The following DGKI variants were observed in gnomAD, a reference collection of about 807,000 sequenced individuals.
DGKI encodes diacylglycerol kinase iota.
A neutral mutation model predicts 147.5 loss-of-function variants in DGKI; 55 were observed. The observed-to-expected ratio is 0.37, with a 90% CI of 0.30 to 0.47. The LOEUF (loss-of-function observed/expected upper bound fraction) is 0.47, where lower values mean the gene tolerates loss of function less well. Ranked by LOEUF, DGKI falls within the 20% of genes least tolerant of loss-of-function variation. The pLI, the probability that DGKI is intolerant of heterozygous loss-of-function variation, is 1.00. For synonymous variants in DGKI, 469 were observed against 477.1 expected, an observed-to-expected ratio of 0.98 and a Z score of 0.22; for missense variants, 1,007 against 1,323.8, an observed-to-expected ratio of 0.76 and a Z score of 3.71.
intron 20 of DGKI, among the ~76,000 whole-genome samples, chr7:137,539,536 A>G (rs915169612): frequency 2.0e-5 from 3 of 152,116 alleles, no homozygotes; most frequent in Non-Finnish European, 4.4e-5. Flanking sequence ...CAACTTAGTC[A>G]TGCATAAGCC....
At chr7:137,843,955 C>T (rs1244402428) in intron 1 of DGKI, among the ~76,000 whole-genome samples, 2 of 152,148 alleles carry the variant, frequency 1.3e-5, no homozygotes, top group Admixed American at 1.3e-4. Flanking sequence ...CTAACTCAGT[C>T]CTTTCACTCA....
intron 1 of DGKI, among the ~76,000 whole-genome samples, chr7:137,758,713 T>C (rs1795762507): frequency 6.6e-6 from 1 of 150,976 alleles, no homozygotes; most frequent in Admixed American, 6.6e-5. Flanking sequence ...AATAAAATTA[T>C]ATATATATAT....
chr7:137,804,180 G>A (rs935125536), intron 1 of DGKI, among the ~76,000 whole-genome samples: 1 of 152,206 alleles, frequency 6.6e-6, no homozygotes, highest in Non-Finnish European at 1.5e-5. Flanking sequence ...AGGAAGCAGT[G>A]TGGCATTGAC....
intron 21 of DGKI, among the ~76,000 whole-genome samples, chr7:137,501,913 A>T (rs1158619258): frequency 3.3e-5 from 5 of 152,146 alleles, no homozygotes; most frequent in African/African-American, 1.2e-4. Flanking sequence ...TGAATGAATC[A>T]TGGGGGCAGG....
intron 28 of DGKI, among the ~76,000 whole-genome samples, chr7:137,416,662 CT>C (rs1455593793): frequency 1.1e-4 from 17 of 152,280 alleles, no homozygotes; most frequent in African/African-American, 4.1e-4. Flanking sequence ...CAGTGTGAGT[CT>C]GCTTCCCCCC....
chr7:137,589,830 T>C (rs903104422), intron 12 of DGKI, among the ~76,000 whole-genome samples: 5 of 152,164 alleles, frequency 3.3e-5, no homozygotes, highest in African/African-American at 1.2e-4. Flanking sequence ...TTAAAACTTC[T>C]CTAAGAGACA....
chr7:137,539,770 T>C (rs1199339686), intron 20 of DGKI, among the ~76,000 whole-genome samples: 1 of 151,588 alleles, frequency 6.6e-6, no homozygotes, highest in Non-Finnish European at 1.5e-5. Context: ...TCAATAAAAT[T>C]GCAAATTGAA....
chr7:137,789,185 A>G (rs1796769459), intron 1 of DGKI, among the ~76,000 whole-genome samples: 1 of 152,232 alleles, frequency 6.6e-6, no homozygotes, highest in African/African-American at 2.4e-5. Flanking sequence ...AAAGGACTAC[A>G]GAAATTTAAT....
At chr7:137,563,412 T>A (rs1433891495) in intron 19 of DGKI, among the ~76,000 whole-genome samples, 2 of 151,892 alleles carry the variant, frequency 1.3e-5, no homozygotes, top group Non-Finnish European at 2.9e-5. Context: ...AAAAGAAATT[T>A]TAAAGAATTT....
chr7:137,779,740 TTAAAA>T (rs1796462927), intron 1 of DGKI, among the ~76,000 whole-genome samples: 1 of 152,338 alleles, frequency 6.6e-6, no homozygotes, highest in African/African-American at 2.4e-5. Flanking sequence ...TAAGTTTTAC[TTAAAA>T]TAAAGTCTAT....
chr7:137,391,819 A>C (rs1158992974), intron 32 of DGKI, among the ~76,000 whole-genome samples: 2 of 152,204 alleles, frequency 1.3e-5, no homozygotes, highest in Non-Finnish European at 2.9e-5. Context: ...AAAGGAAGGG[A>C]TAGTCATAAA....
intron 28 of DGKI, among the ~76,000 whole-genome samples, chr7:137,430,724 T>C (rs924002630): frequency 1.3e-5 from 2 of 152,034 alleles, no homozygotes; most frequent in African/African-American, 2.4e-5. Flanking sequence ...AAGATTCGCA[T>C]TGGTAGAAAA....
chr7:137,548,604 A>G (rs535192675), intron 20 of DGKI, among the ~76,000 whole-genome samples: 1 of 152,306 alleles, frequency 6.6e-6, no homozygotes, highest in African/African-American at 2.4e-5. Context: ...CCAGAAGCGA[A>G]GCAGATGCTG....
At chr7:137,533,195 G>T (rs1435596147) in intron 20 of DGKI, among the ~76,000 whole-genome samples, 1 of 151,910 alleles carries the variant, frequency 6.6e-6, no homozygotes, top group Non-Finnish European at 1.5e-5. Flanking sequence ...AGGCTGAGGC[G>T]GGAGGATCAC....
At chr7:137,684,413 T>C (rs1229209106) in intron 2 of DGKI, among the ~76,000 whole-genome samples, 1 of 152,244 alleles carries the variant, frequency 6.6e-6, no homozygotes, top group African/African-American at 2.4e-5. Context: ...TACCTATTTC[T>C]TCTCACTTTT....
chr7:137,472,394 ATAATT>A (rs369701178), intron 23 of DGKI, among the ~76,000 whole-genome samples: 3 of 101,816 alleles, frequency 2.9e-5, no homozygotes, highest in South Asian at 2.7e-4. Flanking sequence ...TATACATATT[ATAATT>A]ATTATATGTA....
chr7:137,713,235 C>T (rs1242566518), intron 1 of DGKI, among the ~76,000 whole-genome samples: 3 of 152,258 alleles, frequency 2.0e-5, no homozygotes, highest in South Asian at 2.1e-4. Context: ...GAACCAACTG[C>T]AGGACCCCTG....
chr7:137,843,366 A>C (rs890465835), intron 1 of DGKI: 1 of 967,060 alleles, frequency 1.0e-6, no homozygotes, highest in African/African-American at 1.8e-5. Context: ...AAAACGAAGT[A>C]GTAATTTTAA....
chr7:137,540,183 A>C (rs1022001832), intron 20 of DGKI, among the ~76,000 whole-genome samples: 2 of 152,172 alleles, frequency 1.3e-5, no homozygotes, highest in Non-Finnish European at 2.9e-5. Context: ...ATAATACCCT[A>C]ATCTTTTCCA....
Sources: allele counts gnomAD v4.1 joint callset (sites outside exome capture counted in the v4.1 genomes callset), GRCh38; gene constraint gnomAD v4.1.1; transcripts MANE v1.5; gene names NCBI Gene and HGNC (gene_info 2026-07-23, HGNC 2026-07-21).